USP33: variants seen among roughly 807,000 people sequenced by gnomAD.
USP33 encodes ubiquitin specific peptidase 33, also known as ubiquitin carboxyl-terminal hydrolase 33.
USP33 carries 46 observed loss-of-function variants against 124.2 expected under a neutral mutation model. The ratio of observed to expected loss-of-function variants is 0.37; its 90% confidence interval spans 0.29 to 0.47. USP33 has a LOEUF of 0.47. USP33 is among the 20% of genes least tolerant of loss of function. The pLI is 0.99. For missense variants in USP33, 851 were observed against 1,070.6 expected (o/e 0.79, Z 2.86); for synonymous variants, 350 against 352.3 (o/e 0.99, Z 0.07).
At chr1:77,718,432 C>T (rs7550587) in intron 16 of USP33, among the ~76,000 whole-genome samples, 164 bp downstream of exon 16, 3,989 of 152,260 alleles carry the variant, frequency 0.026, 56 homozygotes, top group Middle Eastern at 0.078. Context: ...AGGGCACTTA[C>T]GGTATTTAAC....
chr1:77,709,550 T>C (rs1361276701), intron 21 of USP33, among the ~76,000 whole-genome samples: 1 of 150,868 alleles, frequency 6.6e-6, no homozygotes, highest in African/African-American at 2.4e-5. Flanking sequence ...TATATATAGA[T>C]ACATATCTAT....
chr1:77,721,324 T>C (rs1676536876), intron 14 of USP33, 119 bp from the exon 15 acceptor site: 1 of 1,075,648 alleles, frequency 9.3e-7, no homozygotes, highest in Non-Finnish European at 1.4e-6. Context: ...CAAGGTTCCA[T>C]TTTTTTAATC....
At chr1:77,745,988 A>C (rs1164609348) in intron 1 of USP33, among the ~76,000 whole-genome samples, 1 of 152,216 alleles carries the variant, frequency 6.6e-6, no homozygotes, top group African/African-American at 2.4e-5. Context: ...AAGAAAGAGC[A>C]AACACAGTCA....
chr1:77,744,285 A>G (rs991829936), intron 1 of USP33, among the ~76,000 whole-genome samples: 6 of 152,208 alleles, frequency 3.9e-5, no homozygotes, highest in African/African-American at 1.4e-4. Context: ...AATGACAGGC[A>G]TTCTAAGAAG....
chr1:77,713,548 C>T (rs1675513185), intron 19 of USP33: 1 of 236,302 alleles, frequency 4.2e-6, no homozygotes, highest in Non-Finnish European at 7.7e-6. Flanking sequence ...ACACACCCAG[C>T]TAACTTTTCT....
intron 17 of USP33, among the ~76,000 whole-genome samples, chr1:77,717,163 C>A (rs1676012395): frequency 6.6e-6 from 1 of 151,826 alleles, no homozygotes; most frequent in Admixed American, 6.6e-5. Context: ...CCACACCCAG[C>A]TAGAACACAT....
chr1:77,718,551 T>C (rs1209513242), intron 16 of USP33, 45 bp downstream of exon 16: 2 of 1,431,896 alleles, frequency 1.4e-6, no homozygotes. Flanking sequence ...TAATACTTTA[T>C]GTTCCTACCA....
chr1:77,716,874 T>C (rs1480733552), intron 17 of USP33, among the ~76,000 whole-genome samples: 1 of 151,818 alleles, frequency 6.6e-6, no homozygotes, highest in Non-Finnish European at 1.5e-5. Flanking sequence ...TTTTCTTTTT[T>C]TTTTTTTTGA....
chr1:77,734,469 A>T, intron 6 of USP33, 53 bp from the exon 7 acceptor site: 1 of 1,106,872 alleles, frequency 9.0e-7, no homozygotes, highest in Non-Finnish European at 1.3e-6. Flanking sequence ...AAAATGACTC[A>T]ATTTTAGGGG....
chr1:77,721,285 C>T (rs1676532519), intron 14 of USP33, 80 bp from the exon 15 acceptor site: 2 of 1,518,046 alleles, frequency 1.3e-6, no homozygotes, highest in African/African-American at 2.7e-5. Context: ...TTTGATTTTG[C>T]CCCATGCTGA....
At chr1:77,730,553 C>G in intron 8 of USP33, 65 bp downstream of exon 8, 1 of 1,236,702 alleles carries the variant, frequency 8.1e-7, no homozygotes, top group Non-Finnish European at 1.1e-6. Flanking sequence ...GACCTGCAAC[C>G]TTTAAATATT....
chr1:77,730,603 T>C lies in USP33; in HGVS notation c.638+15A>G, dbSNP rs1677695974. On this transcript the variant is annotated intron_variant, in intron 8 of 23. Coordinates refer to ENST00000370794, the MANE Select transcript of USP33 (RefSeq NM_201624.3). ...AAAAGTTTAATAAAGAAGAAGAGTA[T>C]ATTAAGTTACATACCTGCTTTTATG... 6.7e-7 allele frequency: 1 copy of C among 1,501,438 alleles called. No homozygotes were observed. The highest frequency in any genetic ancestry group is 8.9e-7 in the Non-Finnish European group (1 of 1,118,840). The allele number at this position is 1,501,438 out of a possible 1,614,324, so 93.0% of individuals were successfully genotyped here.
At chr1:77,699,722 A>G (rs996484447) in intron 22 of USP33, among the ~76,000 whole-genome samples, 1 of 152,222 alleles carries the variant, frequency 6.6e-6, no homozygotes. Context: ...AATTCATTCT[A>G]TTATAAAGAT....
intron 15 of USP33, among the ~76,000 whole-genome samples, chr1:77,720,032 C>G (rs1358248703): frequency 2.6e-5 from 4 of 151,932 alleles, no homozygotes; most frequent in East Asian, 3.9e-4. Context: ...TGGTGGCATG[C>G]ATCTGTAGTC....
intron 1 of USP33, among the ~76,000 whole-genome samples, chr1:77,749,527 G>A (rs907746700): frequency 5.3e-5 from 8 of 152,070 alleles, no homozygotes; most frequent in Admixed American, 6.5e-5. Context: ...GACTACAGGC[G>A]TGTGCCACCA....
intron 20 of USP33, among the ~76,000 whole-genome samples, chr1:77,712,441 T>C (rs1421886361): frequency 6.6e-6 from 1 of 152,098 alleles, no homozygotes; most frequent in Non-Finnish European, 1.5e-5. Flanking sequence ...CAAAATCGCT[T>C]GAAACTGGGA....
intron 1 of USP33, among the ~76,000 whole-genome samples, chr1:77,754,383 A>G (rs1680615868): frequency 6.6e-6 from 1 of 152,218 alleles, no homozygotes; most frequent in South Asian, 2.1e-4. Context: ...GCTACCCAAT[A>G]AAAGCAAGCC....
At chr1:77,699,838 T>C (rs367543332) in intron 22 of USP33, among the ~76,000 whole-genome samples, 33 of 152,240 alleles carry the variant, frequency 2.2e-4, no homozygotes, top group African/African-American at 7.5e-4. Context: ...GTGGTAAATA[T>C]ACACTATGGA....
Position 77,730,730 on chromosome 1 carries a change from G to T in USP33, c.526C>A (p.Pro176Thr), listed in dbSNP as rs752810568. ...TCAAGAAAAAACTGTGTCAAAGGTG[G>T]GCTAATTTTAAAAAGAGAAAAATGT... ...NAALQALSNC[P>T]PLTQFFLDCG... The change falls in exon 8 of 24, where the codon CCA (proline) becomes ACA (threonine). Residue 176 changes from proline (P) to threonine (T), a missense_variant and splice_region_variant. Coordinates refer to ENST00000370794, the MANE Select transcript of USP33 (RefSeq NM_201624.3). 1 of 1,559,808 alleles carries T rather than the reference G, an allele frequency of 6.4e-7. No homozygotes were observed. Among genetic ancestry groups the T allele is most frequent in the South Asian group, 1.2e-5 (1 of 82,236 alleles).
Sources: allele counts gnomAD v4.1 joint callset (sites outside exome capture counted in the v4.1 genomes callset), GRCh38; gene constraint gnomAD v4.1.1; transcripts MANE v1.5; gene names NCBI Gene and HGNC (gene_info 2026-07-23, HGNC 2026-07-21).